Variants in PDCD6IP observed in about 807,000 individuals in gnomAD.
PDCD6IP encodes the protein programmed cell death 6-interacting protein.
A neutral mutation model predicts 103.7 loss-of-function variants in PDCD6IP; 43 were observed. The observed-to-expected ratio is 0.41, with a 90% CI of 0.32 to 0.53. PDCD6IP has a LOEUF of 0.53. Among genes scored for constraint, PDCD6IP ranks in the 20% least tolerant of loss-of-function variants. The probability of loss-of-function intolerance (pLI) is 0.16; values close to 1 mark genes in which losing one functional copy is unlikely to be tolerated. For synonymous variants in PDCD6IP, 354 were observed against 378.7 expected (o/e 0.93, Z 0.76); for missense variants, 871 against 1,036.7 (o/e 0.84, Z 2.20).
chr3:33,816,560 C>T (rs1025620226), intron 3 of PDCD6IP, among the ~76,000 whole-genome samples: 7 of 150,420 alleles, frequency 4.7e-5, no homozygotes, highest in Non-Finnish European at 8.9e-5. Context: ...TGATGATCAT[C>T]CCAGGTCCAG....
At chr3:33,865,082 A>G (rs1698033154) in intron 16 of PDCD6IP, among the ~76,000 whole-genome samples, 161 bp from the exon 17 acceptor site, 1 of 152,216 alleles carries the variant, frequency 6.6e-6, no homozygotes, top group Non-Finnish European at 1.5e-5. Flanking sequence ...TTATTCAACT[A>G]TGATATATTT....
intron 6 of PDCD6IP, 115 bp from the exon 7 acceptor site, chr3:33,828,738 C>A: frequency 9.4e-7 from 1 of 1,068,154 alleles, no homozygotes; most frequent in Middle Eastern, 2.1e-4. Context: ...ATCTCTAAAC[C>A]ATTAATGGGG....
intron 1 of PDCD6IP, among the ~76,000 whole-genome samples, chr3:33,808,286 T>A (rs976944505): frequency 9.2e-5 from 14 of 152,178 alleles, no homozygotes; most frequent in Non-Finnish European, 2.1e-4. Context: ...TTGACTGTAT[T>A]TTTTTGAGAC....
intron 4 of PDCD6IP, 72 bp downstream of exon 4, chr3:33,822,154 A>G (rs2125554027): frequency 2.7e-6 from 4 of 1,459,284 alleles, no homozygotes; most frequent in Non-Finnish European, 3.8e-6. Flanking sequence ...ATTTGCATTT[A>G]GGTTTATAGA....
In PDCD6IP at chr3:33,841,999, A is replaced by C. The variant is rs1453674861; in HGVS notation, c.1284A>C (p.Gly428=). The part of the protein sequence containing the change: ...LTKSRSVIEQ[G]GIQTVDQLIK... ...AATCCAGATCTGTGATTGAACAGGG[A>C]GGCATCCAGACTGTTGATCAGTTGA... The change falls in exon 10 of 18, where the codon GGA becomes GGC. Residue 428 remains glycine (G), a synonymous_variant. Coordinates refer to ENST00000307296, the MANE Select transcript of PDCD6IP (RefSeq NM_013374.6). 6.2e-7 allele frequency: 1 copy of C among 1,608,548 alleles called. No homozygotes were observed. The highest frequency in any genetic ancestry group is 1.3e-5 in the African/African-American group (1 of 74,798).
At chr3:33,855,876 A>C (rs1391488355) in intron 15 of PDCD6IP, among the ~76,000 whole-genome samples, 8 of 152,154 alleles carry the variant, frequency 5.3e-5, no homozygotes, top group African/African-American at 1.9e-4. Context: ...ACAACAACAA[A>C]TGTAAGGAGG....
At chr3:33,826,903 G>A (rs1191797355) in intron 6 of PDCD6IP, 2 of 1,089,654 alleles carry the variant, frequency 1.8e-6, no homozygotes, top group Non-Finnish European at 2.2e-6. Context: ...TGGTGATTTG[G>A]TACAAGCATG....
intron 16 of PDCD6IP, among the ~76,000 whole-genome samples, chr3:33,864,990 A>G (rs975128242): frequency 1.4e-4 from 21 of 152,218 alleles, no homozygotes; most frequent in African/African-American, 4.8e-4. Flanking sequence ...CAAATGTCCA[A>G]CCACTGGAGG....
intron 12 of PDCD6IP, among the ~76,000 whole-genome samples, chr3:33,849,395 T>C (rs912201736): frequency 5.9e-5 from 9 of 152,226 alleles, no homozygotes; most frequent in African/African-American, 2.2e-4. Flanking sequence ...TCTACCCACA[T>C]TATTCTATTT....
At chr3:33,851,415 A>G (rs142250722) in intron 12 of PDCD6IP, among the ~76,000 whole-genome samples, 1 of 152,118 alleles carries the variant, frequency 6.6e-6, no homozygotes, top group Non-Finnish European at 1.5e-5. Flanking sequence ...TTTATGAATC[A>G]GGTGGGTATA....
intron 15 of PDCD6IP, among the ~76,000 whole-genome samples, chr3:33,861,284 C>A (rs1360362614): frequency 1.9e-4 from 29 of 151,986 alleles, no homozygotes; most frequent in Admixed American, 1.9e-3. Context: ...GCTGGGATTA[C>A]AAGCGCCCAC....
At chr3:33,865,035 A>G (rs1365523484) in intron 16 of PDCD6IP, among the ~76,000 whole-genome samples, 2 of 152,208 alleles carry the variant, frequency 1.3e-5, no homozygotes, top group Non-Finnish European at 2.9e-5. Context: ...GCACCAGGAA[A>G]AGAGCAGTGG....
chr3:33,853,631 T>C (rs1003324705), intron 13 of PDCD6IP, among the ~76,000 whole-genome samples: 1 of 152,146 alleles, frequency 6.6e-6, no homozygotes, highest in Admixed American at 6.5e-5. Context: ...TTTTTACAAG[T>C]GTTATATACT....
At chr3:33,864,652 G>A (rs564771724) in intron 16 of PDCD6IP, among the ~76,000 whole-genome samples, 7 of 152,286 alleles carry the variant, frequency 4.6e-5, no homozygotes, top group Admixed American at 4.6e-4. Flanking sequence ...TGACATTGGG[G>A]AATAGCATTA....
In PDCD6IP at chr3:33,854,008, A is replaced by C; in HGVS notation, c.2020A>C (p.Thr674Pro). 2 of 1,581,376 alleles carry C rather than the reference A, an allele frequency of 1.3e-6. No individual in the cohort carries two copies. Among genetic ancestry groups the C allele is most frequent in the Non-Finnish European group, 1.7e-6 (2 of 1,169,288 alleles). ...VELVANLKEGTKFYNELTEIL... is the reference protein window; with the variant it reads ...VELVANLKEGPKFYNELTEIL... The stretch of plus-strand genomic sequence containing the variant: ...ACTTGTAGCTAATTTGAAGGAAGGC[A>C]CAAAGGTATGAAGTACATGCAAAAG... Residue 674 changes from threonine to proline, a missense_variant, in exon 14 of 18, where the codon ACA becomes CCA. Around this residue, in one of 5 missense-constraint regions of PDCD6IP, gnomAD observed 266 missense variants for 390.5 expected, o/e 0.68. Transcript: ENST00000307296.
intron 4 of PDCD6IP, among the ~76,000 whole-genome samples, chr3:33,822,422 A>T (rs548987421): frequency 1.3e-5 from 2 of 152,306 alleles, no homozygotes; most frequent in South Asian, 4.1e-4. Flanking sequence ...ATTAAAAAAA[A>T]TTTGTACATT....
intron 3 of PDCD6IP, among the ~76,000 whole-genome samples, chr3:33,814,162 G>C (rs76172848): frequency 1.2e-5 from 1 of 86,898 alleles, no homozygotes; most frequent in African/African-American, 4.5e-5. Flanking sequence ...TTTTTTTTTT[G>C]AGACAGAGTT....
At position 33,852,704 on chromosome 3, in the gene PDCD6IP, A is replaced by G. The variant is rs1343559049; in HGVS notation, c.1858A>G (p.Lys620Glu). 6.3e-7 allele frequency: 1 copy of G among 1,585,354 alleles called. No homozygotes were observed. Among genetic ancestry groups the G allele is most frequent in the Admixed American group, 2.0e-5 (1 of 50,630 alleles). The change falls in exon 13 of 18, where the codon AAG becomes GAG. Residue 620 changes from lysine to glutamate, a missense_variant. Around this residue, in one of 5 missense-constraint regions of PDCD6IP, gnomAD observed 266 missense variants for 390.5 expected, o/e 0.68. Coordinates refer to ENST00000307296, the MANE Select transcript of PDCD6IP (RefSeq NM_013374.6). ...TACAACTAAAGTCCAAGAATCTCTA[A>G]AGAAACAGGAGGGACTTCTTAAAAA... The part of the protein sequence containing the change: ...GLTTKVQESL[K>E]KQEGLLKNIQ...
At chr3:33,860,984 T>A in intron 15 of PDCD6IP, among the ~76,000 whole-genome samples, 1 of 148,848 alleles carries the variant, frequency 6.7e-6, no homozygotes, top group Non-Finnish European at 1.5e-5. Flanking sequence ...AATGTAAAAT[T>A]TGTAGTAGCC....
Sources: allele counts gnomAD v4.1 joint callset (sites outside exome capture counted in the v4.1 genomes callset), GRCh38; gene constraint gnomAD v4.1.1; regional missense constraint gnomAD v4.1.1; transcripts MANE v1.5; gene names NCBI Gene and HGNC (gene_info 2026-07-23, HGNC 2026-07-21).